The following KDM4B variants were observed in gnomAD, a reference collection of about 807,000 sequenced individuals.
KDM4B encodes lysine demethylase 4B.
A neutral mutation model predicts 125.2 loss-of-function variants in KDM4B; 32 were observed. The ratio of observed to expected loss-of-function variants is 0.26; its 90% confidence interval spans 0.19 to 0.34. The LOEUF is 0.34. Among genes scored for constraint, KDM4B ranks in the 10% least tolerant of loss-of-function variants. The pLI is 1.00. For synonymous variants in KDM4B, 721 were observed against 677.9 expected (o/e 1.06, Z -0.99); for missense variants, 1,190 against 1,577.7 (o/e 0.75, Z 4.16).
At chr19:5,004,902 G>T (rs895964597) in intron 1 of KDM4B, among the ~76,000 whole-genome samples, 2 of 152,102 alleles carry the variant, frequency 1.3e-5, no homozygotes, top group Admixed American at 1.3e-4. Context: ...CTTTGGTGCC[G>T]GAACCAGGAG....
In KDM4B at chr19:5,141,990, G is replaced by C. The variant is rs2039752372; in HGVS notation, c.2551-1977G>C. ...GGGCTCTCTGCTCCTCAGGGGTTGG[G>C]GTTGTTTGCGAAAGCAGGTTGGTGG... is the stretch of plus-strand genomic sequence containing the variant. On this transcript the variant is annotated intron_variant, in intron 18 of 22. Transcript: ENST00000159111. The surrounding 1 kb of genome is among the most constrained non-coding windows in gnomAD (Gnocchi z 6.4). Among the ~76,000 whole-genome samples, 1 of 152,194 alleles carries C rather than the reference G, an allele frequency of 6.6e-6. No homozygotes were observed. The highest frequency in any genetic ancestry group is 2.4e-5 in the African/African-American group (1 of 41,442).
intron 10 of KDM4B, chr19:5,119,332 C>CCCCGTCCCG (rs1157492344): frequency 2.7e-6 from 2 of 742,770 alleles, no homozygotes; most frequent in East Asian, 5.4e-5. Flanking sequence ...GCTCCTGCCG[C>CCCCGTCCCG]CCCGTCCCGC....
chr19:4,999,122 G>T (rs141079502), intron 1 of KDM4B, among the ~76,000 whole-genome samples: 1 of 152,308 alleles, frequency 6.6e-6, no homozygotes, highest in Non-Finnish European at 1.5e-5. Context: ...CATGGTGGTT[G>T]TCTAGTCCTG....
At chr19:5,001,285 A>T (rs572585089) in intron 1 of KDM4B, among the ~76,000 whole-genome samples, 1 of 152,206 alleles carries the variant, frequency 6.6e-6, no homozygotes, top group East Asian at 1.9e-4. Context: ...TGGGCTCCCA[A>T]AGTGCTGGAA....
chr19:5,072,790 C>T (rs1308185609), intron 7 of KDM4B, among the ~76,000 whole-genome samples: 2 of 152,202 alleles, frequency 1.3e-5, no homozygotes, highest in African/African-American at 2.4e-5. Flanking sequence ...GGGGCTAAAA[C>T]CCAGGTGCAG....
chr19:5,056,722 G>C (rs1281859215), intron 6 of KDM4B, among the ~76,000 whole-genome samples: 1 of 152,156 alleles, frequency 6.6e-6, no homozygotes, highest in Non-Finnish European at 1.5e-5. Context: ...CTTTCTTAAG[G>C]TTAACTGATT....
chr19:5,122,369 A>G (rs887505458), intron 11 of KDM4B, among the ~76,000 whole-genome samples: 1 of 152,114 alleles, frequency 6.6e-6, no homozygotes, highest in East Asian at 1.9e-4. Context: ...ACTGAGTCCC[A>G]CCTGAATATT....
intron 9 of KDM4B, among the ~76,000 whole-genome samples, chr19:5,098,285 T>A (rs1259618050): frequency 6.6e-6 from 1 of 152,220 alleles, no homozygotes; most frequent in African/African-American, 2.4e-5. Context: ...TTATTTTATT[T>A]TTTATTACAG....
chr19:5,112,981 C>T (rs549591147), intron 10 of KDM4B: 1 of 152,450 alleles, frequency 6.6e-6, no homozygotes, highest in Non-Finnish European at 1.5e-5. Context: ...AGTGGATTGC[C>T]AATAAACCGG....
At position 4,998,805 on chromosome 19, in the gene KDM4B, T is replaced by C. The variant is rs142989784; in HGVS notation, c.-108-17452T>C. ...GGGGGCGTACAGGCCGTCATTCTGT[T>C]AAATGTCCCCCAGGTGGGTTTGTCT... On this transcript the variant is annotated intron_variant, in intron 1 of 22. Transcript: ENST00000159111. 1.8e-3 allele frequency among the ~76,000 whole-genome samples: 276 copies of C among 152,314 alleles called. 3 individuals are homozygous for C. The highest frequency in any genetic ancestry group is 6.4e-3 in the African/African-American group (267 of 41,558).
chr19:5,060,298 G>A (rs745701966), intron 6 of KDM4B, among the ~76,000 whole-genome samples: 3 of 152,034 alleles, frequency 2.0e-5, no homozygotes, highest in African/African-American at 4.8e-5. Context: ...AATTAGCCGG[G>A]TGTTGTGGTG....
rs556154029 is a variant in KDM4B at position 5,033,043 on chromosome 19, C to T, written c.141+12C>T. ...CGGGCCTGGCCAAGGTGGGTGACAT[C>T]CTGGCCCCAGCGCGGCCCTCCATCA... is the stretch of plus-strand genomic sequence containing the variant. On this transcript the variant is annotated intron_variant, in intron 3 of 22. Coordinates refer to ENST00000159111, the MANE Select transcript of KDM4B (RefSeq NM_015015.3). The T allele has an allele frequency of 6.2e-7, 1 of 1,611,974 alleles. No homozygotes were observed. Among genetic ancestry groups the T allele is most frequent in the South Asian group, 1.1e-5 (1 of 91,058 alleles).
intron 11 of KDM4B, among the ~76,000 whole-genome samples, chr19:5,124,740 C>T (rs9807862): frequency 0.18 from 27,421 of 152,072 alleles, 2,579 homozygotes; most frequent in Admixed American, 0.22. Flanking sequence ...GGATTACAGG[C>T]GCCCGCCACC....
intron 9 of KDM4B, among the ~76,000 whole-genome samples, chr19:5,105,047 C>T (rs1432937592): frequency 1.3e-5 from 2 of 152,194 alleles, no homozygotes. Flanking sequence ...GATCCAGGTC[C>T]CCATGAGGCT....
At chr19:5,111,026 G>A (rs1244290535) in intron 10 of KDM4B, among the ~76,000 whole-genome samples, 2 of 152,094 alleles carry the variant, frequency 1.3e-5, no homozygotes, top group Admixed American at 1.3e-4. Flanking sequence ...TCGAGGCCTC[G>A]CTTTGCTGGG....
chr19:5,127,535 G>A (rs963140810), intron 11 of KDM4B, among the ~76,000 whole-genome samples: 27 of 152,194 alleles, frequency 1.8e-4, no homozygotes, highest in African/African-American at 6.0e-4. Flanking sequence ...TGAGGCTGCC[G>A]CCATTGTCAT....
In KDM4B at chr19:5,132,580, G is replaced by A. The variant is rs1465654514; in HGVS notation, c.1906+573G>A. Among the ~76,000 whole-genome samples the A allele has an allele frequency of 3.3e-5, 5 of 152,220 alleles. No homozygotes were observed. The East Asian group carries it at 7.7e-4, about 24-fold the overall frequency. ...GTTCTAGAAGCGCGTGGGATCACAG[G>A]GCGGGAGCTCCCAGGAGTGGAGGAA... On this transcript the variant is annotated intron_variant, in intron 13 of 22. Coordinates refer to ENST00000159111, the MANE Select transcript of KDM4B (RefSeq NM_015015.3).
intron 6 of KDM4B, among the ~76,000 whole-genome samples, chr19:5,058,872 C>G (rs1371182866): frequency 6.6e-6 from 1 of 152,234 alleles, no homozygotes; most frequent in Non-Finnish European, 1.5e-5. Flanking sequence ...CTGTGGCATG[C>G]CAGGCGAGTC....
chr19:5,111,774 G>A (rs767960305), intron 10 of KDM4B: 1 of 765,214 alleles, frequency 1.3e-6, no homozygotes, highest in South Asian at 1.3e-5. Flanking sequence ...CGACTTTGCA[G>A]GCCAGGCCTC....
Sources: allele counts gnomAD v4.1 joint callset (sites outside exome capture counted in the v4.1 genomes callset), GRCh38; gene constraint gnomAD v4.1.1; non-coding constraint Gnocchi (gnomAD v3.1); transcripts MANE v1.5; gene names NCBI Gene and HGNC (gene_info 2026-07-23, HGNC 2026-07-21).